The following NLRP5 variants were observed in gnomAD, a reference collection of about 807,000 sequenced individuals.
NLRP5 encodes the protein NLR family pyrin domain containing 5.
NLRP5 carries 93 observed loss-of-function variants against 113.1 expected under a neutral mutation model. The observed-to-expected ratio is 0.82, with a 90% confidence interval of 0.70 to 0.98. The LOEUF (loss-of-function observed/expected upper bound fraction) is 0.98. NLRP5 is among the 50% of genes least tolerant of loss of function. The probability of loss-of-function intolerance (pLI) is 0.00; values close to 1 mark genes in which losing one functional copy is unlikely to be tolerated. For missense variants in NLRP5, 1,808 were observed against 1,514.3 expected, an observed-to-expected ratio of 1.19 and a Z score of -3.22; for synonymous variants, 751 against 600.7, an observed-to-expected ratio of 1.25 and a Z score of -3.66.
chr19:56,046,645 A>G (rs140098757), intron 11 of NLRP5, among the ~76,000 whole-genome samples: 5,755 of 151,272 alleles, frequency 0.038, 154 homozygotes, highest in African/African-American at 0.077. Context: ...GGTTCACACC[A>G]TTCTCCTGCC....
intron 8 of NLRP5, 53 bp from the exon 9 acceptor site, chr19:56,033,489 G>A: frequency 2.9e-6 from 4 of 1,370,294 alleles, no homozygotes; most frequent in Non-Finnish European, 4.1e-6. Context: ...GGAAAAATGA[G>A]GATACAACTA....
rs200628453 is a variant in NLRP5 at position 56,027,579 on chromosome 19, A to T, written c.1346A>T (p.His449Leu). The change falls in exon 7 of 15, where the codon CAT becomes CTT. Residue 449 changes from histidine to leucine, a missense_variant. Transcript: ENST00000390649. Reference sequence around the variant, plus strand: ...CTCCTTGAGCGCGGGATTGGTGAGCATCAGAAGACACAAGGGTTGCGTGCG... The same window carrying T: ...CTCCTTGAGCGCGGGATTGGTGAGCTTCAGAAGACACAAGGGTTGCGTGCG... The T allele has an allele frequency of 1.2e-6, 2 of 1,613,944 alleles. No homozygotes were observed. The highest frequency in any genetic ancestry group is 1.3e-5 in the African/African-American group (1 of 75,056).
chr19:56,019,790 G>T (rs1220656166), intron 5 of NLRP5, among the ~76,000 whole-genome samples: 1 of 151,574 alleles, frequency 6.6e-6, no homozygotes, highest in African/African-American at 2.4e-5. Flanking sequence ...TGCCATTGAA[G>T]AATTGTGCTG....
Position 56,033,594 on chromosome 19 carries a change from A to G in NLRP5, c.2500A>G (p.Met834Val). Residue 834 changes from methionine to valine, a missense_variant, in exon 9 of 15, where the codon ATG (methionine) becomes GTG (valine). Met to Val is a conservative substitution (Grantham distance 21). Coordinates refer to ENST00000390649, the MANE Select transcript of NLRP5 (RefSeq NM_153447.4). ...TGTGCAGCACCTCTGGAGAATCGTC[A>G]TGGCCAACCGTAACCTAAGATCCCT... 6.2e-7 allele frequency: 1 copy of G among 1,613,872 alleles called. No individual in the cohort carries two copies. Among genetic ancestry groups the G allele is most frequent in the African/African-American group, 1.3e-5 (1 of 75,046 alleles).
At chr19:56,013,349 C>T (rs1475209318) in intron 3 of NLRP5, among the ~76,000 whole-genome samples, 1 of 151,986 alleles carries the variant, frequency 6.6e-6, no homozygotes, top group Non-Finnish European at 1.5e-5. Context: ...CCTACCACTA[C>T]ACCCAGCTAA....
chr19:56,039,030 TACAGCAACC>T (rs1298377847), intron 10 of NLRP5, among the ~76,000 whole-genome samples: 1 of 152,194 alleles, frequency 6.6e-6, no homozygotes, highest in East Asian at 1.9e-4. Context: ...CAGCAACAGT[TACAGCAACC>T]ACTATTCAAT....
chr19:56,021,304 T>C (rs1982608433), intron 6 of NLRP5, among the ~76,000 whole-genome samples: 1 of 152,210 alleles, frequency 6.6e-6, no homozygotes, highest in South Asian at 2.1e-4. Context: ...CCTGAGAAAC[T>C]GTTGATTGAG....
At chr19:56,024,561 G>A (rs1403548734) in intron 6 of NLRP5, among the ~76,000 whole-genome samples, 2 of 141,434 alleles carry the variant, frequency 1.4e-5, no homozygotes, top group African/African-American at 2.6e-5. Flanking sequence ...GTGTATATAT[G>A]TATATATACA....
the NLRP5 span, among the ~76,000 whole-genome samples, chr19:55,990,079 C>CTTTTCTTTTTTTTTTTTTTTTT: frequency 1.0e-5 from 1 of 95,958 alleles, no homozygotes. Flanking sequence ...TTTCTTTTTT[C>CTTTTCTTTTTTTTTTTTTTTTT]TTTTTTTTTT....
Position 56,058,236 on chromosome 19 carries a change from G to A in NLRP5, c.3300-4G>A, listed in dbSNP as rs754954296. 6.2e-7 allele frequency: 1 copy of A among 1,611,456 alleles called. No homozygotes were observed. The highest frequency in any genetic ancestry group is 1.3e-5 in the African/African-American group (1 of 74,976). ...GTTATTTTCTGGGTGTCCTGACCCT[G>A]CAGGTTGAAGGCATGTGGACTGACT... is the stretch of plus-strand genomic sequence containing the variant. On this transcript the variant is annotated splice_polypyrimidine_tract_variant and splice_region_variant and intron_variant, in intron 13 of 14. Coordinates refer to ENST00000390649, the MANE Select transcript of NLRP5 (RefSeq NM_153447.4).
intron 10 of NLRP5, among the ~76,000 whole-genome samples, chr19:56,040,310 C>T (rs550342201): frequency 6.6e-6 from 1 of 152,068 alleles, no homozygotes; most frequent in Non-Finnish European, 1.5e-5. Flanking sequence ...AATCCCAACA[C>T]TTTGGGAGGC....
intron 5 of NLRP5, 53 bp from the exon 6 acceptor site, chr19:56,020,322 C>T: frequency 6.2e-7 from 1 of 1,603,210 alleles, no homozygotes; most frequent in Non-Finnish European, 8.5e-7. Flanking sequence ...GGGTGTCTGA[C>T]ATCTCTGACT....
intron 11 of NLRP5, among the ~76,000 whole-genome samples, chr19:56,044,067 CTTTTT>C (rs35674471): frequency 7.1e-6 from 1 of 139,876 alleles, no homozygotes; most frequent in Admixed American, 7.1e-5. Flanking sequence ...AGTCTTAGGT[CTTTTT>C]TTTTTTTTGG....
chr19:56,044,086 CAG>C (rs1357431263), intron 11 of NLRP5, among the ~76,000 whole-genome samples: 1 of 130,806 alleles, frequency 7.6e-6, no homozygotes, highest in Admixed American at 7.7e-5. Context: ...TTTTTGGAGA[CAG>C]AGTCTTGCTC....
chr19:56,023,722 C>T (rs1982706867), intron 6 of NLRP5, among the ~76,000 whole-genome samples: 1 of 152,100 alleles, frequency 6.6e-6, no homozygotes, highest in South Asian at 2.1e-4. Context: ...TGCAGTTATA[C>T]CATTTTATAT....
intron 4 of NLRP5, among the ~76,000 whole-genome samples, chr19:56,016,336 A>G (rs1256916648): frequency 6.6e-6 from 1 of 151,980 alleles, no homozygotes; most frequent in Non-Finnish European, 1.5e-5. Context: ...TATTTTTAGT[A>G]GAGACAGGGT....
chr19:55,988,795 C>A, the NLRP5 span, among the ~76,000 whole-genome samples: 1 of 152,070 alleles, frequency 6.6e-6, no homozygotes, highest in Non-Finnish European at 1.5e-5. Context: ...GTCCGAAATT[C>A]GTTCTTTCTC....
At chr19:56,019,165 C>G (rs557176861) in intron 4 of NLRP5, 177 bp from the exon 5 acceptor site, 10 of 671,486 alleles carry the variant, frequency 1.5e-5, no homozygotes, top group African/African-American at 3.6e-5. Flanking sequence ...CACCCTCAAG[C>G]TTTGAATTAG....
chr19:56,035,650 A>G (rs1983283035), intron 9 of NLRP5, among the ~76,000 whole-genome samples: 1 of 152,158 alleles, frequency 6.6e-6, no homozygotes, highest in African/African-American at 2.4e-5. Flanking sequence ...TAACTCAACT[A>G]ATGAATTTAC....
Sources: gnomAD v4.1 joint callset for allele counts (sites outside exome capture counted in the v4.1 genomes callset) on GRCh38, gnomAD v4.1.1 for gene constraint, MANE v1.5 for transcripts, NCBI Gene and HGNC (gene_info 2026-07-23, HGNC 2026-07-21) for gene names.